The following OR8G5 variants were observed in gnomAD, a reference collection of about 807,000 sequenced individuals.
The protein encoded by OR8G5 is olfactory receptor 8G5.
For synonymous variants in OR8G5, 147 were observed against 147.7 expected, an observed-to-expected ratio of 1.00 and a Z score of 0.03; for missense variants, 347 against 371.9, an observed-to-expected ratio of 0.93 and a Z score of 0.55.
At chr11:124,261,083 T>C (rs954826736) in intron 1 of OR8G5, among the ~76,000 whole-genome samples, 1 of 151,894 alleles carries the variant, frequency 6.6e-6, no homozygotes, top group African/African-American at 2.4e-5. Context: ...TATTTGTCTT[T>C]CTGTGCCTGG....
Position 124,265,489 on chromosome 11 carries a change from G to T in OR8G5, c.558G>T (p.Lys186Asn). 6.2e-7 allele frequency: 1 copy of T among 1,613,950 alleles called. No individual in the cohort carries two copies. Among genetic ancestry groups the T allele is most frequent in the Non-Finnish European group, 8.5e-7 (1 of 1,179,870 alleles). Reference protein sequence around the residue: ...HYFCDLISILKLSCSSTYINE... With the variant: ...HYFCDLISILNLSCSSTYINE... ...TCTGTGATCTTATTTCTATCTTGAA[G>T]CTCTCCTGTTCTAGTACTTACATTA... The change falls in exon 2 of 2, where the codon AAG (lysine) becomes AAT (asparagine). Residue 186 changes from lysine to asparagine, a missense_variant. By Grantham distance (94) the Lys-to-Asn change is moderately conservative (BLOSUM62 0). Transcript: ENST00000641992.
chr11:124,257,898 C>G (rs1324564847), intron 1 of OR8G5, among the ~76,000 whole-genome samples: 2 of 152,102 alleles, frequency 1.3e-5, no homozygotes, highest in Non-Finnish European at 2.9e-5. Context: ...TTTTAAAGCA[C>G]TCAGCATGCC....
chr11:124,265,609 C>T lies in OR8G5; in HGVS notation c.678C>T (p.Leu226=), dbSNP rs761277678. 3.1e-6 allele frequency: 5 copies of T among 1,613,826 alleles called. No individual in the cohort carries two copies. The highest frequency in any genetic ancestry group is 1.1e-5 in the South Asian group (1 of 91,050). ...ACATCTTCATCATTGCCAGCATCCT[C>T]CGCATTCGCTACACTGAGGGCAGGT... is the stretch of plus-strand genomic sequence containing the variant. ...SSYIFIIASI[L]RIRYTEGRSK... The change falls in exon 2 of 2, where the codon CTC becomes CTT. Residue 226 remains leucine (L), a synonymous_variant. Coordinates refer to ENST00000641992, the MANE Select transcript of OR8G5 (RefSeq NM_001005198.2).
At position 124,265,932 on chromosome 11, in the gene OR8G5, A is replaced by G; in HGVS notation, c.*65A>G. The stretch of plus-strand genomic sequence containing the variant: ...TTTGGCTATGATATTGTATGAAATG[A>G]TGTCTTTCACTTTAGTGCATCTGTC... On this transcript the variant is annotated 3_prime_UTR_variant, in exon 2 of 2. Transcript: ENST00000641992. 2 of 1,482,056 alleles carry G rather than the reference A, an allele frequency of 1.3e-6. No individual in the cohort carries two copies. Among genetic ancestry groups the G allele is most frequent in the African/African-American group, 1.4e-5 (1 of 70,878 alleles). 91.8% of individuals were successfully genotyped at this position (1,482,056 alleles called of 1,614,324 possible). A position where few individuals can be genotyped will look rare whatever the true frequency, so the allele number is the denominator to read the frequency against.
chr11:124,265,332 T>G lies in OR8G5; in HGVS notation c.401T>G (p.Ile134Ser), dbSNP rs776870893. The change falls in exon 2 of 2, where the codon ATC (isoleucine) becomes AGC (serine). Residue 134 changes from isoleucine to serine, a missense_variant. By Grantham distance (142) the Ile-to-Ser change is moderately radical. Transcript: ENST00000641992. ...ATCTGTAGCCCCTTGCTGTACAGCA[T>G]CATCATATCCAATAAGGCTTGCTTT... is the stretch of plus-strand genomic sequence containing the variant. ...VAICSPLLYS[I>S]IISNKACFSL... 13 of 1,614,078 alleles carry G rather than the reference T, an allele frequency of 8.1e-6. No individual in the cohort carries two copies. Among genetic ancestry groups the G allele is most frequent in the East Asian group, 2.2e-5 (1 of 44,892 alleles).
At chr11:124,257,898 C>T (rs1324564847) in intron 1 of OR8G5, among the ~76,000 whole-genome samples, 1 of 152,102 alleles carries the variant, frequency 6.6e-6, no homozygotes, top group Non-Finnish European at 1.5e-5. Flanking sequence ...TTTTAAAGCA[C>T]TCAGCATGCC....
intron 1 of OR8G5, among the ~76,000 whole-genome samples, chr11:124,258,101 T>C (rs1477087559): frequency 6.6e-6 from 1 of 152,192 alleles, no homozygotes; most frequent in Non-Finnish European, 1.5e-5. Context: ...AAGGGTGTAT[T>C]CTTAAGTCTG....
Position 124,262,316 on chromosome 11 carries a change from T to C in OR8G5, c.-14-2602T>C, listed in dbSNP as rs546718876. On this transcript the variant is annotated intron_variant, in intron 1 of 1. Transcript: ENST00000641992. ...GAATGAAGAAGCAAAAAATTTTGCA[T>C]AGCCTACAAATATTTTTTAAATGTT... Among the ~76,000 whole-genome samples the C allele has an allele frequency of 7.6e-4, 116 of 151,980 alleles. 2 individuals are homozygous for C. Among genetic ancestry groups the C allele is most frequent in the African/African-American group, 2.6e-3 (107 of 41,564 alleles).
chr11:124,265,940 C>A lies in OR8G5; in HGVS notation c.*73C>A. On this transcript the variant is annotated 3_prime_UTR_variant, in exon 2 of 2. Transcript: ENST00000641992. ...TGATATTGTATGAAATGATGTCTTTCACTTTAGTGCATCTGTCAACATTCT... is the reference window on the plus strand; with the variant it reads ...TGATATTGTATGAAATGATGTCTTTAACTTTAGTGCATCTGTCAACATTCT... 1 of 1,453,922 alleles carries A rather than the reference C, an allele frequency of 6.9e-7. No homozygotes were observed. Among genetic ancestry groups the A allele is most frequent in the Non-Finnish European group, 9.1e-7 (1 of 1,094,390 alleles). The allele number at this position is 1,453,922 out of a possible 1,614,324, so 90.1% of individuals were successfully genotyped here.
chr11:124,259,316 T>C (rs1189401967), intron 1 of OR8G5, among the ~76,000 whole-genome samples: 1 of 152,160 alleles, frequency 6.6e-6, no homozygotes, highest in Non-Finnish European at 1.5e-5. Flanking sequence ...TTGACAAAGA[T>C]TTGAAAATAT....
chr11:124,265,380 TAATA>T lies in OR8G5; in HGVS notation c.450_453del (p.Ile151AlafsTer2). 6.2e-7 allele frequency: 1 copy of T among 1,614,040 alleles called. No homozygotes were observed. Among genetic ancestry groups the T allele is most frequent in the Middle Eastern group, 1.6e-4 (1 of 6,062 alleles). On this transcript the variant is annotated frameshift_variant, in exon 2 of 2. Coordinates refer to ENST00000641992, the MANE Select transcript of OR8G5 (RefSeq NM_001005198.2). LOFTEE classifies it low-confidence loss of function (END_TRUNC). ...TTTTCTCTGATTTTAGTGGTGTATG[TAATA>T]GGCCTGATTTGTGCGTCAGCTCATA...
At chr11:124,261,224 T>TTTATC (rs71038487) in intron 1 of OR8G5, among the ~76,000 whole-genome samples, 72,891 of 151,432 alleles carry the variant, frequency 0.48, 18,295 homozygotes, top group East Asian at 0.58. Flanking sequence ...GTTTGTCTAA[T>TTTATC]TTAAGATTAC....
rs1307402693 is a variant in OR8G5, at chr11:124,265,426, G to T, written c.495G>T (p.Arg165Ser). 6 of 1,613,698 alleles carry T rather than the reference G, an allele frequency of 3.7e-6. No individual in the cohort carries two copies. In the Admixed American group the frequency reaches 1.0e-4, roughly 27 times the overall value. The change falls in exon 2 of 2, where the codon AGG (arginine) becomes AGT (serine). Residue 165 changes from arginine (R) to serine (S), a missense_variant. Arg to Ser is a moderately radical substitution (Grantham distance 110). Coordinates refer to ENST00000641992, the MANE Select transcript of OR8G5 (RefSeq NM_001005198.2). ...CAGCTCATATAGGCTGTATGTTTAG[G>T]GTTCAATTCTGCAAATTTGATGTGA... is the stretch of plus-strand genomic sequence containing the variant. ...CASAHIGCMFRVQFCKFDVIN... is the reference protein window; with the variant it reads ...CASAHIGCMFSVQFCKFDVIN...
chr11:124,265,512 T>C lies in OR8G5; in HGVS notation c.581T>C (p.Ile194Thr). The C allele has an allele frequency of 6.2e-7, 1 of 1,613,960 alleles. No homozygotes were observed. ...AAGCTCTCCTGTTCTAGTACTTACA[T>C]TAATGAGTTACTGATTTTAATCTTT... ...ILKLSCSSTY[I>T]NELLILIFSG... Residue 194 changes from isoleucine (I) to threonine (T), a missense_variant, in exon 2 of 2, where the codon ATT (isoleucine) becomes ACT (threonine). Coordinates refer to ENST00000641992, the MANE Select transcript of OR8G5 (RefSeq NM_001005198.2).
rs537781830 is a variant in OR8G5, at chr11:124,265,091, C to T, written c.160C>T (p.His54Tyr). ...GATCACACTGATTGGGCTCAGTTCTCACCTGCACACACCTATGTACTGTTT... is the reference window on the plus strand; with the variant it reads ...GATCACACTGATTGGGCTCAGTTCTTACCTGCACACACCTATGTACTGTTT... ...GMITLIGLSS[H>Y]LHTPMYCFLS... The change falls in exon 2 of 2, where the codon CAC becomes TAC. Residue 54 changes from histidine (H) to tyrosine (Y), a missense_variant. His to Tyr is a moderately conservative substitution (Grantham distance 83, BLOSUM62 2). Coordinates refer to ENST00000641992, the MANE Select transcript of OR8G5 (RefSeq NM_001005198.2). The T allele has an allele frequency of 6.2e-6, 10 of 1,614,168 alleles. No homozygotes were observed. The highest frequency in any genetic ancestry group is 7.6e-6 in the Non-Finnish European group (9 of 1,180,026).
In OR8G5 at chr11:124,265,817, G is replaced by T. The variant is rs764069405; in HGVS notation, c.886G>T (p.Asp296Tyr). 2.5e-6 allele frequency: 4 copies of T among 1,614,050 alleles called. No individual in the cohort carries two copies. In the South Asian group the frequency reaches 3.3e-5, roughly 13 times the overall value. Residue 296 changes from aspartate to tyrosine, a missense_variant, in exon 2 of 2, where the codon GAT becomes TAT. Asp to Tyr is a radical substitution (Grantham distance 160). Coordinates refer to ENST00000641992, the MANE Select transcript of OR8G5 (RefSeq NM_001005198.2). Reference sequence around the variant, plus strand: ...CCTGATCTACAGCCTGAGGAATAAAGATGTCCACGTTGCCCTGAAGAAAAC... The same window carrying T: ...CCTGATCTACAGCCTGAGGAATAAATATGTCCACGTTGCCCTGAAGAAAAC... ...NPLIYSLRNK[D>Y]VHVALKKTLG...
chr11:124,262,661 A>G (rs1390162907), intron 1 of OR8G5, among the ~76,000 whole-genome samples: 1 of 129,898 alleles, frequency 7.7e-6, no homozygotes, highest in Non-Finnish European at 1.7e-5. Context: ...TCAGTTTTAT[A>G]TATATGTACA....
rs768218393 is a variant in OR8G5 at position 124,265,213 on chromosome 11, C to T, written c.282C>T (p.Tyr94=). ...NFVTEKNIIS[Y]PECMTQLYFF... The stretch of plus-strand genomic sequence containing the variant: ...TGACAGAGAAGAACATCATCTCCTA[C>T]CCTGAATGCATGACTCAGCTCTACT... The change falls in exon 2 of 2, where the codon TAC becomes TAT. Residue 94 remains tyrosine (Y), a synonymous_variant. Transcript: ENST00000641992. 6 of 1,614,082 alleles carry T rather than the reference C, an allele frequency of 3.7e-6. No individual in the cohort carries two copies. Among genetic ancestry groups the T allele is most frequent in the South Asian group, 3.3e-5 (3 of 91,076 alleles).
intron 1 of OR8G5, among the ~76,000 whole-genome samples, chr11:124,260,689 A>T (rs1013225992): frequency 1.3e-5 from 2 of 151,860 alleles, no homozygotes; most frequent in Admixed American, 6.6e-5. Context: ...TAGGGTTTTT[A>T]AAAAATTAGT....
Sources: allele counts gnomAD v4.1 joint callset (sites outside exome capture counted in the v4.1 genomes callset), GRCh38; gene constraint gnomAD v4.1.1; transcripts MANE v1.5; gene names NCBI Gene and HGNC (gene_info 2026-07-23, HGNC 2026-07-21).